Variants in ADAMTS6 observed in about 807,000 individuals in gnomAD.
The protein encoded by ADAMTS6 is A disintegrin and metalloproteinase with thrombospondin motifs 6.
Under a neutral mutation model 144.3 loss-of-function variants are expected in ADAMTS6, and 23 were observed. The observed-to-expected ratio is 0.16, with a 90% CI of 0.11 to 0.23. The LOEUF (loss-of-function observed/expected upper bound fraction) is 0.23, where lower values mean the gene tolerates loss of function less well. Ranked by LOEUF, ADAMTS6 falls within the 10% of genes least tolerant of loss-of-function variation. The pLI is 1.00. For synonymous variants in ADAMTS6, 444 were observed against 457.5 expected (o/e 0.97, Z 0.38); for missense variants, 999 against 1,379.6 (o/e 0.72, Z 4.37).
Position 65,210,832 on chromosome 5 carries a change from A to G in ADAMTS6, c.2575+3962T>C, listed in dbSNP as rs562903016. 5.5e-5 allele frequency: 23 copies of G among 418,224 alleles called. No homozygotes were observed. The South Asian group carries it at 8.1e-4, about 15-fold the overall frequency. 25.9% of individuals were successfully genotyped at this position (418,224 alleles called of 1,614,324 possible). On this transcript the variant is annotated intron_variant, in intron 20 of 24. Transcript: ENST00000381055. ...CAGTGTAACTCCAGACATGATGGGG[A>G]AGATGTATAAGAAAGCTCTTGCTGC... is the stretch of plus-strand genomic sequence containing the variant.
chr5:65,227,071 T>C (rs774605634), intron 15 of ADAMTS6, among the ~76,000 whole-genome samples: 17 of 152,224 alleles, frequency 1.1e-4, no homozygotes, highest in Non-Finnish European at 1.9e-4. Context: ...AACTTGGCTT[T>C]AGCATGGATA....
chr5:65,366,792 G>A (rs1198857409), intron 7 of ADAMTS6, among the ~76,000 whole-genome samples: 3 of 152,050 alleles, frequency 2.0e-5, no homozygotes, highest in African/African-American at 4.8e-5. Flanking sequence ...ATACCCTCCC[G>A]CCACCACCCC....
At chr5:65,176,373 T>C (rs1311403285) in intron 22 of ADAMTS6, among the ~76,000 whole-genome samples, 1 of 152,172 alleles carries the variant, frequency 6.6e-6, no homozygotes, top group African/African-American at 2.4e-5. Flanking sequence ...ATGTGCAAGT[T>C]GTATAAGGAA....
chr5:65,435,826 A>G (rs1757354122), intron 7 of ADAMTS6, among the ~76,000 whole-genome samples: 1 of 151,962 alleles, frequency 6.6e-6, no homozygotes, highest in South Asian at 2.1e-4. Context: ...GGATTTCACC[A>G]TATTGGCCAG....
chr5:65,386,860 T>TAC (rs1752516370), intron 7 of ADAMTS6, among the ~76,000 whole-genome samples: 1 of 152,228 alleles, frequency 6.6e-6, no homozygotes, highest in African/African-American at 2.4e-5. Flanking sequence ...ATCCTGGGAA[T>TAC]ACAGGCATGA....
intron 11 of ADAMTS6, among the ~76,000 whole-genome samples, chr5:65,284,429 T>C (rs1007305406): frequency 2.6e-5 from 4 of 152,100 alleles, no homozygotes; most frequent in African/African-American, 9.6e-5. Context: ...GAATAATTTT[T>C]CAATAATAAA....
intron 9 of ADAMTS6, among the ~76,000 whole-genome samples, chr5:65,307,926 G>T (rs1017238283): frequency 2.0e-5 from 3 of 152,052 alleles, no homozygotes; most frequent in Admixed American, 1.3e-4. Flanking sequence ...TATTAAAGTC[G>T]CAGCCTCCCT....
chr5:65,453,063 A>G (rs1489605817), intron 4 of ADAMTS6, 145 bp from the exon 5 acceptor site: 1 of 569,526 alleles, frequency 1.8e-6, no homozygotes, highest in Non-Finnish European at 2.8e-6. Context: ...AGTAGTGAGA[A>G]AAAAGTCTGT....
At chr5:65,370,215 C>T (rs1282053966) in intron 7 of ADAMTS6, among the ~76,000 whole-genome samples, 1 of 152,184 alleles carries the variant, frequency 6.6e-6, no homozygotes, top group African/African-American at 2.4e-5. Flanking sequence ...CGAGACCAGC[C>T]TGGCCAACAT....
At chr5:65,183,656 T>G (rs1037025253) in intron 22 of ADAMTS6, among the ~76,000 whole-genome samples, 3 of 142,222 alleles carry the variant, frequency 2.1e-5, no homozygotes, top group Admixed American at 1.4e-4. Flanking sequence ...AAAATAAAAA[T>G]AAAAAAATAA....
chr5:65,373,516 G>A (rs1751190804), intron 7 of ADAMTS6, among the ~76,000 whole-genome samples: 1 of 151,044 alleles, frequency 6.6e-6, no homozygotes, highest in African/African-American at 2.4e-5. Flanking sequence ...AGAAGAAATG[G>A]ATAAATTCCT....
At position 65,309,030 on chromosome 5, in the gene ADAMTS6, G is replaced by T. The variant is rs115990810; in HGVS notation, c.1224-8899C>A. Reference sequence around the variant, plus strand: ...AAATCTGAATGGTGGACACATGGATGTGTGATATAACAGTGGTCCCCATCC... The same window carrying T: ...AAATCTGAATGGTGGACACATGGATTTGTGATATAACAGTGGTCCCCATCC... On this transcript the variant is annotated intron_variant, in intron 9 of 24. Transcript: ENST00000381055. 6.2e-3 allele frequency among the ~76,000 whole-genome samples: 939 copies of T among 152,056 alleles called. 17 individuals carry two copies. The highest frequency in any genetic ancestry group is 0.021 in the Middle Eastern group (6 of 292).
intron 7 of ADAMTS6, among the ~76,000 whole-genome samples, chr5:65,351,984 A>G (rs16893719): frequency 0.033 from 5,081 of 152,294 alleles, 142 homozygotes; most frequent in East Asian, 0.083. Flanking sequence ...ATTATATAGC[A>G]TACATAGTTC....
chr5:65,359,300 G>A (rs1749613393), intron 7 of ADAMTS6, among the ~76,000 whole-genome samples: 1 of 151,914 alleles, frequency 6.6e-6, no homozygotes, highest in South Asian at 2.1e-4. Flanking sequence ...AACAAACATA[G>A]GAAGGAATAT....
chr5:65,361,877 G>A (rs1427565623), intron 7 of ADAMTS6, among the ~76,000 whole-genome samples: 6 of 152,076 alleles, frequency 3.9e-5, no homozygotes, highest in Non-Finnish European at 5.9e-5. Context: ...TGGGATGACA[G>A]GCATGGGCCA....
intron 7 of ADAMTS6, among the ~76,000 whole-genome samples, chr5:65,433,970 G>A (rs1345060661): frequency 1.3e-5 from 2 of 152,174 alleles, no homozygotes; most frequent in African/African-American, 2.4e-5. Flanking sequence ...GTCCACCATA[G>A]CATTTTCCAC....
At chr5:65,471,170 GA>G (rs202219468) in intron 2 of ADAMTS6, 28 bp from the exon 3 acceptor site, 3 of 1,543,058 alleles carry the variant, frequency 1.9e-6, no homozygotes, top group Admixed American at 2.4e-5. Context: ...AGAGAATCCA[GA>G]AAAAAAACAC....
intron 8 of ADAMTS6, among the ~76,000 whole-genome samples, chr5:65,330,500 C>T (rs766243755): frequency 6.6e-6 from 1 of 152,014 alleles, no homozygotes; most frequent in Non-Finnish European, 1.5e-5. Context: ...TACTTTCCCA[C>T]CAAAAGTGAT....
intron 12 of ADAMTS6, among the ~76,000 whole-genome samples, chr5:65,265,575 CT>C (rs200987694): frequency 1.1e-4 from 16 of 148,766 alleles, no homozygotes; most frequent in East Asian, 2.0e-4. Context: ...CAATTAACTG[CT>C]TTTTTTTTTC....
Sources: allele counts gnomAD v4.1 joint callset (sites outside exome capture counted in the v4.1 genomes callset), GRCh38; gene constraint gnomAD v4.1.1; transcripts MANE v1.5; gene names NCBI Gene and HGNC (gene_info 2026-07-23, HGNC 2026-07-21).